The following SCAF1 variants were observed in gnomAD, a reference collection of about 807,000 sequenced individuals.
SCAF1 encodes the protein SR-related CTD associated factor 1, also known as splicing factor, arginine/serine-rich 19.
Under a neutral mutation model 91.2 loss-of-function variants are expected in SCAF1, and 28 were observed. That is an observed-to-expected ratio of 0.31 (90% CI 0.23 to 0.42). The LOEUF is 0.42. SCAF1 is among the 10% of genes least tolerant of loss of function. The pLI, the probability that SCAF1 is intolerant of heterozygous loss-of-function variation, is 1.00. For synonymous variants in SCAF1, 1,036 were observed against 833.7 expected (o/e 1.24, Z -4.18); for missense variants, 1,893 against 1,872.1 (o/e 1.01, Z -0.21).
Position 49,646,752 on chromosome 19 carries a change from A to C in SCAF1, c.400A>C (p.Ile134Leu). The change falls in exon 6 of 11, where the codon ATC becomes CTC. Residue 134 changes from isoleucine to leucine, a missense_variant. Transcript: ENST00000360565. The surrounding 1 kb of genome is among the most constrained non-coding windows in gnomAD (Gnocchi z 5.6). ...DMLELVAEVR[I>L]GDRDPIPLPV... ...GCTGGAGCTGGTGGCTGAGGTCCGA[A>C]TCGGGGACAGAGATCCCATCCCTCT... The C allele has an allele frequency of 6.2e-7, 1 of 1,613,994 alleles. No individual in the cohort carries two copies. The highest frequency in any genetic ancestry group is 2.2e-5 in the East Asian group (1 of 44,860).
In SCAF1 at chr19:49,658,415, C is replaced by T; in HGVS notation, c.*16C>T. 6.8e-7 allele frequency: 1 copy of T among 1,465,632 alleles called. No individual in the cohort carries two copies. The highest frequency in any genetic ancestry group is 9.2e-7 in the Non-Finnish European group (1 of 1,086,630). The allele number at this position is 1,465,632 out of a possible 1,614,324, so 90.8% of individuals were successfully genotyped here. A position where few individuals can be genotyped will look rare whatever the true frequency, so the allele number is the denominator to read the frequency against. ...CCCTCTCTGAGAGCCCTGGCCAGCT[C>T]TTCGCCCCTCACCTCTTTGAAACTC... On this transcript the variant is annotated 3_prime_UTR_variant, in exon 11 of 11. Coordinates refer to ENST00000360565, the MANE Select transcript of SCAF1 (RefSeq NM_021228.3).
chr19:49,640,553 G>A (rs1236695333), upstream of SCAF1, among the ~76,000 whole-genome samples: 2 of 152,266 alleles, frequency 1.3e-5, no homozygotes, highest in African/African-American at 4.8e-5. Context: ...ACTCGCGCGC[G>A]CGGCCGTATA....
In SCAF1 at chr19:49,646,788, A is replaced by C; in HGVS notation, c.436A>C (p.Ser146Arg). 1.2e-6 allele frequency: 2 copies of C among 1,613,664 alleles called. No homozygotes were observed. Among genetic ancestry groups the C allele is most frequent in the Non-Finnish European group, 1.7e-6 (2 of 1,179,988 alleles). Residue 146 changes from serine (S) to arginine (R), a missense_variant, in exon 6 of 11, where the codon AGC becomes CGC. Physicochemically the swap from Ser to Arg is moderately radical, Grantham distance 110. This residue lies in a region of SCAF1 where 270 missense variants were observed against 292.5 expected (regional missense o/e 0.92). Transcript: ENST00000360565. The surrounding 1 kb of genome is among the most constrained non-coding windows in gnomAD (Gnocchi z 5.6). Reference sequence around the variant, plus strand: ...AGATCCCATCCCTCTGCCTGTGCCCAGCCTGCTGCCCCGTCTCAGGGCCTG... The same window carrying C: ...AGATCCCATCCCTCTGCCTGTGCCCCGCCTGCTGCCCCGTCTCAGGGCCTG... ...DRDPIPLPVP[S>R]LLPRLRAWRT... is the part of the protein sequence containing the mutation.
At position 49,652,046 on chromosome 19, in the gene SCAF1, A is replaced by G; in HGVS notation, c.1657A>G (p.Lys553Glu). The G allele has an allele frequency of 1.6e-6, 2 of 1,234,664 alleles. No homozygotes were observed. The highest frequency in any genetic ancestry group is 2.0e-6 in the Non-Finnish European group (2 of 976,766). 76.5% of individuals were successfully genotyped at this position (1,234,664 alleles called of 1,614,324 possible). The change falls in exon 7 of 11, where the codon AAG becomes GAG. Residue 553 changes from lysine (K) to glutamate (E), a missense_variant. By Grantham distance (56) the Lys-to-Glu change is moderately conservative. Transcript: ENST00000360565. ...CGCCCCGGCCTCGCCCTGGGACTCC[A>G]AGAAGCACCGCTCGCGGGACCGCAA... is the stretch of plus-strand genomic sequence containing the variant. ...PPAPASPWDS[K>E]KHRSRDRKPG...
rs775496705 is a variant in SCAF1 at position 49,652,398 on chromosome 19, C to T, written c.2009C>T (p.Ser670Phe). Reference sequence around the variant, plus strand: ...GCCCCGGCGCCCGCCCCGCCGCCCTCTGGCTCCACCTCGTGTGGTGACCGC... The same window carrying T: ...GCCCCGGCGCCCGCCCCGCCGCCCTTTGGCTCCACCTCGTGTGGTGACCGC... ...EKAPAPAPPP[S>F]GSTSCGDRDS... is the part of the protein sequence containing the mutation. The change falls in exon 7 of 11, where the codon TCT becomes TTT. Residue 670 changes from serine (S) to phenylalanine (F), a missense_variant. Ser to Phe is a radical substitution (Grantham distance 155, BLOSUM62 -2). Transcript: ENST00000360565. The T allele has an allele frequency of 1.9e-6, 3 of 1,583,308 alleles. No individual in the cohort carries two copies. The highest frequency in any genetic ancestry group is 2.6e-6 in the Non-Finnish European group (3 of 1,168,606).
Position 49,658,304 on chromosome 19 carries a change from C to T in SCAF1, c.3844C>T (p.Arg1282Cys), listed in dbSNP as rs954388029. The T allele has an allele frequency of 5.0e-6, 8 of 1,609,358 alleles. No individual in the cohort carries two copies. The highest frequency in any genetic ancestry group is 2.2e-5 in the East Asian group (1 of 44,642). Residue 1282 changes from arginine to cysteine, a missense_variant, in exon 11 of 11, where the codon CGC becomes TGC. Coordinates refer to ENST00000360565, the MANE Select transcript of SCAF1 (RefSeq NM_021228.3). ...QRYRYFRKHG[R>C]KPGDPPGPPR... is the part of the protein sequence containing the mutation. ...CTACCGCTACTTCCGCAAGCACGGTCGCAAGCCAGGGGACCCCCCAGGGCC... is the reference window on the plus strand; with the variant it reads ...CTACCGCTACTTCCGCAAGCACGGTTGCAAGCCAGGGGACCCCCCAGGGCC...
chr19:49,652,391 C>G lies in SCAF1; in HGVS notation c.2002C>G (p.Pro668Ala). ...GSEKAPAPAPPPSGSTSCGDR... is the reference protein window; with the variant it reads ...GSEKAPAPAPAPSGSTSCGDR... ...CGAGAAGGCCCCGGCGCCCGCCCCGCCGCCCTCTGGCTCCACCTCGTGTGG... is the reference window on the plus strand; with the variant it reads ...CGAGAAGGCCCCGGCGCCCGCCCCGGCGCCCTCTGGCTCCACCTCGTGTGG... The change falls in exon 7 of 11, where the codon CCG (proline) becomes GCG (alanine). Residue 668 changes from proline (P) to alanine (A), a missense_variant. Transcript: ENST00000360565. The G allele has an allele frequency of 6.4e-7, 1 of 1,568,762 alleles. No individual in the cohort carries two copies. Among genetic ancestry groups the G allele is most frequent in the East Asian group, 2.3e-5 (1 of 42,722 alleles).
chr19:49,652,147 C>T lies in SCAF1; in HGVS notation c.1758C>T (p.Arg586=). The change falls in exon 7 of 11, where the codon CGC becomes CGT. Residue 586 remains arginine (R), a synonymous_variant. Coordinates refer to ENST00000360565, the MANE Select transcript of SCAF1 (RefSeq NM_021228.3). ...CCCGCTCCCGCTCCACCCGCCGCCGCTCGCGCAGCACCGACCGCCGCCGCG... is the reference window on the plus strand; with the variant it reads ...CCCGCTCCCGCTCCACCCGCCGCCGTTCGCGCAGCACCGACCGCCGCCGCG... The part of the protein sequence containing the change: ...SRSRSRSTRR[R]SRSTDRRRGG... 6 of 1,096,652 alleles carry T rather than the reference C, an allele frequency of 5.5e-6. No individual in the cohort carries two copies. Among genetic ancestry groups the T allele is most frequent in the Non-Finnish European group, 6.7e-6 (6 of 898,788 alleles). The allele number at this position is 1,096,652 out of a possible 1,614,324, so 67.9% of individuals were successfully genotyped here.
In SCAF1 at chr19:49,652,092, C is replaced by G; in HGVS notation, c.1703C>G (p.Ser568Trp). 1 of 1,167,414 alleles carries G rather than the reference C, an allele frequency of 8.6e-7. No homozygotes were observed. The highest frequency in any genetic ancestry group is 1.1e-6 in the Non-Finnish European group (1 of 939,472). The allele number at this position is 1,167,414 out of a possible 1,614,324, so 72.3% of individuals were successfully genotyped here. Residue 568 changes from serine (S) to tryptophan (W), a missense_variant, in exon 7 of 11, where the codon TCG becomes TGG. Transcript: ENST00000360565. The stretch of plus-strand genomic sequence containing the variant: ...CGCAAGCCCGGCTCCCACGCCTCGT[C>G]GTCCGCCCGCCGCCGCTCCCGCTCC... ...RDRKPGSHAS[S>W]SARRRSRSRS...
intron 6 of SCAF1, among the ~76,000 whole-genome samples, chr19:49,649,583 C>T (rs894727540): frequency 6.6e-6 from 1 of 152,048 alleles, no homozygotes; most frequent in African/African-American, 2.4e-5. Flanking sequence ...GCAACCTCTG[C>T]CTCCTGGTTT....
Position 49,645,438 on chromosome 19 carries a change from C to T in SCAF1, c.166+27C>T, listed in dbSNP as rs1414858433. The T allele has an allele frequency of 2.5e-6, 4 of 1,599,514 alleles. No homozygotes were observed. Among genetic ancestry groups the T allele is most frequent in the East Asian group, 4.5e-5 (2 of 44,746 alleles). On this transcript the variant is annotated intron_variant, in intron 3 of 10. Coordinates refer to ENST00000360565, the MANE Select transcript of SCAF1 (RefSeq NM_021228.3). This position sits in a 1 kb window ranked among gnomAD's most constrained non-coding sequence, Gnocchi z 4.6. ...TATGGCGGCTTCCGGTTCCTTTTAG[C>T]CCCTGCCCCCTCTCTGCATTCTTTA...
intron 1 of SCAF1, among the ~76,000 whole-genome samples, chr19:49,643,964 A>G (rs1363091806): frequency 6.6e-6 from 1 of 152,096 alleles, no homozygotes; most frequent in Non-Finnish European, 1.5e-5. Context: ...GAGGAGACAG[A>G]TGTAGGGGAA....
Position 49,646,710 on chromosome 19 carries a change from T to C in SCAF1, c.363-5T>C. On this transcript the variant is annotated splice_polypyrimidine_tract_variant and splice_region_variant and intron_variant, in intron 5 of 10. Transcript: ENST00000360565. The surrounding 1 kb of genome is among the most constrained non-coding windows in gnomAD (Gnocchi z 5.6). ...TGAGGCTCACCCACCCCTTCCGCCTTGCAGAAGTGAGGACATGCTGGAGCT... is the reference window on the plus strand; with the variant it reads ...TGAGGCTCACCCACCCCTTCCGCCTCGCAGAAGTGAGGACATGCTGGAGCT... 1 of 1,613,638 alleles carries C rather than the reference T, an allele frequency of 6.2e-7. No homozygotes were observed. Among genetic ancestry groups the C allele is most frequent in the Non-Finnish European group, 8.5e-7 (1 of 1,179,672 alleles).
intron 9 of SCAF1, among the ~76,000 whole-genome samples, chr19:49,655,075 G>T (rs1224110153): frequency 6.6e-6 from 1 of 152,164 alleles, no homozygotes; most frequent in Non-Finnish European, 1.5e-5. Context: ...AAGGAAAATC[G>T]CGTCTGTGCG....
In SCAF1 at chr19:49,651,657, C is replaced by T. The variant is rs780089107; in HGVS notation, c.1268C>T (p.Ala423Val). Reference sequence around the variant, plus strand: ...CGGGCCGCCCGGCCTACACCGGCCGCCTCGGCCACCCCCACGGCCCAGCCC... The same window carrying T: ...CGGGCCGCCCGGCCTACACCGGCCGTCTCGGCCACCCCCACGGCCCAGCCC... Reference protein sequence around the residue: ...GGRAARPTPAASATPTAQPLP... With the variant: ...GGRAARPTPAVSATPTAQPLP... The change falls in exon 7 of 11, where the codon GCC (alanine) becomes GTC (valine). Residue 423 changes from alanine (A) to valine (V), a missense_variant. Coordinates refer to ENST00000360565, the MANE Select transcript of SCAF1 (RefSeq NM_021228.3). 4.4e-5 allele frequency: 62 copies of T among 1,421,886 alleles called. No homozygotes were observed. Among genetic ancestry groups the T allele is most frequent in the Non-Finnish European group, 5.3e-5 (58 of 1,097,716 alleles). The allele number at this position is 1,421,886 out of a possible 1,614,324, so 88.1% of individuals were successfully genotyped here.
At position 49,652,210 on chromosome 19, in the gene SCAF1, ACGG is replaced by A. The variant is rs1255558233; in HGVS notation, c.1830_1832del (p.Arg611del). 2 of 1,311,404 alleles carry A rather than the reference ACGG, an allele frequency of 1.5e-6. No individual in the cohort carries two copies. Among genetic ancestry groups the A allele is most frequent in the Admixed American group, 8.1e-5 (2 of 24,554 alleles). The allele number at this position is 1,311,404 out of a possible 1,614,324, so 81.2% of individuals were successfully genotyped here. The stretch of plus-strand genomic sequence containing the variant: ...GGTCGCGGTCCCGGGAGAAGCGGCG[ACGG>A]CGGCGGCGCTCCGCCTCCCCGCCCC... On this transcript the variant is annotated inframe_deletion, in exon 7 of 11. Coordinates refer to ENST00000360565, the MANE Select transcript of SCAF1 (RefSeq NM_021228.3).
rs1568444519 is a variant in SCAF1 at position 49,652,852 on chromosome 19, C to T, written c.2463C>T (p.Ser821=). The T allele has an allele frequency of 2.5e-6, 4 of 1,614,062 alleles. No homozygotes were observed. The highest frequency in any genetic ancestry group is 1.7e-5 in the Admixed American group (1 of 60,020). Reference sequence around the variant, plus strand: ...TCAGCAGCGGCTCAGGCTCTTCATCCTCGTCGTCCTCCTGTTCTTCCCGGA... The same window carrying T: ...TCAGCAGCGGCTCAGGCTCTTCATCTTCGTCGTCCTCCTGTTCTTCCCGGA... ...PPVSSGSGSS[S]SSSSCSSRKV... Residue 821 remains serine, a synonymous_variant, in exon 7 of 11, where the codon TCC becomes TCT. Transcript: ENST00000360565.
In SCAF1 at chr19:49,658,374, C is replaced by G; in HGVS notation, c.3914C>G (p.Pro1305Arg). The G allele has an allele frequency of 1.9e-6, 3 of 1,548,026 alleles. No individual in the cohort carries two copies. Among genetic ancestry groups the G allele is most frequent in the Non-Finnish European group, 2.6e-6 (3 of 1,149,562 alleles). Residue 1305 changes from proline to arginine, a missense_variant, in exon 11 of 11, where the codon CCG becomes CGG. By Grantham distance (103) the Pro-to-Arg change is moderately radical (BLOSUM62 -2). Around this residue, in one of 5 missense-constraint regions of SCAF1, gnomAD observed 51 missense variants for 49.9 expected, o/e 1.02. Coordinates refer to ENST00000360565, the MANE Select transcript of SCAF1 (RefSeq NM_021228.3). ...CCAGGGCCCCCAGACAAGGGTGGCC[C>G]GGGCCTGCCCCTGCCCCCTCTCTGA... is the stretch of plus-strand genomic sequence containing the variant. ...KEPGPPDKGG[P>R]GLPLPPL
rs1201147606 is a variant in SCAF1 at position 49,645,503 on chromosome 19, G to A, written c.166+92G>A. The A allele has an allele frequency of 7.2e-7, 1 of 1,394,546 alleles. No homozygotes were observed. Among genetic ancestry groups the A allele is most frequent in the African/African-American group, 1.5e-5 (1 of 68,964 alleles). 86.4% of individuals were successfully genotyped at this position (1,394,546 alleles called of 1,614,324 possible). On this transcript the variant is annotated intron_variant, in intron 3 of 10. Coordinates refer to ENST00000360565, the MANE Select transcript of SCAF1 (RefSeq NM_021228.3). This position sits in a 1 kb window ranked among gnomAD's most constrained non-coding sequence, Gnocchi z 4.6. ...ATACAAGCTTTTCTGAAGCCTCCTG[G>A]GTGCCACCCTTGTGCTGGCATGGGG...
Sources: gnomAD v4.1 joint callset for allele counts (sites outside exome capture counted in the v4.1 genomes callset) on GRCh38, gnomAD v4.1.1 for gene constraint, gnomAD v4.1.1 regional missense constraint, Gnocchi (gnomAD v3.1) non-coding constraint, MANE v1.5 for transcripts, NCBI Gene and HGNC (gene_info 2026-07-23, HGNC 2026-07-21) for gene names.